Variants in TNNT3 observed in about 807,000 individuals in gnomAD.
TNNT3 encodes troponin T, fast skeletal muscle.
TNNT3 carries 36 observed loss-of-function variants against 54.2 expected under a neutral mutation model. That is an observed-to-expected ratio of 0.66 (90% CI 0.51 to 0.88). The LOEUF (loss-of-function observed/expected upper bound fraction) is 0.88, where lower values mean the gene tolerates loss of function less well. Among genes scored for constraint, TNNT3 ranks in the 40% least tolerant of loss-of-function variants. The probability of loss-of-function intolerance (pLI) is 0.00; values close to 1 mark genes in which losing one functional copy is unlikely to be tolerated. For synonymous variants in TNNT3, 120 were observed against 109.7 expected, an observed-to-expected ratio of 1.09 and a Z score of -0.59; for missense variants, 291 against 331.6, an observed-to-expected ratio of 0.88 and a Z score of 0.95.
chr11:1,925,248 C>G, intron 5 of TNNT3, 132 bp downstream of exon 5: 1 of 1,607,554 alleles, frequency 6.2e-7, no homozygotes, highest in Non-Finnish European at 8.5e-7. Flanking sequence ...TCCCCCGGCT[C>G]TCCTCAGCTG....
intron 14 of TNNT3, 102 bp from the exon 15 acceptor site, chr11:1,936,861 G>C: frequency 7.9e-7 from 1 of 1,264,946 alleles, no homozygotes; most frequent in South Asian, 1.3e-5. Context: ...GCAGCCCTGG[G>C]TCGCGCAGCC....
At chr11:1,922,382 A>G (rs1850307792) in intron 1 of TNNT3, among the ~76,000 whole-genome samples, 1 of 152,090 alleles carries the variant, frequency 6.6e-6, no homozygotes, top group Non-Finnish European at 1.5e-5. Flanking sequence ...TCGGTCATCC[A>G]GGGGCTCCCA....
intron 14 of TNNT3, chr11:1,936,336 G>T: frequency 6.8e-7 from 1 of 1,468,408 alleles, no homozygotes; most frequent in Non-Finnish European, 9.5e-7. Flanking sequence ...GCAAAAACCT[G>T]GATCGCTCAG....
At chr11:1,937,415 G>A (rs7127657) in intron 15 of TNNT3, among the ~76,000 whole-genome samples, 2,437 of 152,248 alleles carry the variant, frequency 0.016, 61 homozygotes, top group African/African-American at 0.053. Flanking sequence ...AGGGAATTAA[G>A]CAGTCAGGGC....
In TNNT3 at chr11:1,929,901, C is replaced by T. The variant is rs1353273388; in HGVS notation, c.125+73C>T. On this transcript the variant is annotated intron_variant, in intron 8 of 15. Transcript: ENST00000278317. ...GGGGGTGGTCAAGTGAGTGTGGGGT[C>T]CTGGCAGGCCCAGTGCCGAGTGTGT... 6 of 1,527,476 alleles carry T rather than the reference C, an allele frequency of 3.9e-6. No individual in the cohort carries two copies. In the East Asian group the frequency reaches 1.2e-4, roughly 31 times the overall value. 94.6% of individuals were successfully genotyped at this position (1,527,476 alleles called of 1,614,324 possible). A position where few individuals can be genotyped will look rare whatever the true frequency, so the allele number is the denominator to read the frequency against.
At chr11:1,922,573 C>T (rs1374428604) in intron 1 of TNNT3, among the ~76,000 whole-genome samples, 1 of 152,128 alleles carries the variant, frequency 6.6e-6, no homozygotes, top group Non-Finnish European at 1.5e-5. Context: ...ACGCCACGAC[C>T]TTCCAACATC....
Position 1,934,908 on chromosome 11 carries a change from C to G in TNNT3, c.670C>G (p.Gln224Glu), listed in dbSNP as rs1025599726. ...KFEFGEKLKR[Q>E]KYDITTLRSR... ...CGAGTTTGGGGAGAAGCTGAAACGC[C>G]AGAAATATGACGTGAGTCCCGGCAC... Residue 224 changes from glutamine (Q) to glutamate (E), a missense_variant, in exon 14 of 16, where the codon CAG (glutamine) becomes GAG (glutamate). Transcript: ENST00000278317. 6.2e-7 allele frequency: 1 copy of G among 1,613,540 alleles called. No individual in the cohort carries two copies. Among genetic ancestry groups the G allele is most frequent in the African/African-American group, 1.3e-5 (1 of 75,070 alleles).
chr11:1,935,015 C>G lies in TNNT3; in HGVS notation c.681+96C>G, dbSNP rs1028663527. On this transcript the variant is annotated intron_variant, in intron 14 of 15. Transcript: ENST00000278317. ...CGTCCCTACCAAACTCTGGACCTGC[C>G]CACCCCAGGGACCTGGACCCTGAGA... is the stretch of plus-strand genomic sequence containing the variant. 4 of 1,208,896 alleles carry G rather than the reference C, an allele frequency of 3.3e-6. No individual in the cohort carries two copies. The African/African-American group carries it at 6.0e-5, about 18-fold the overall frequency. The allele number at this position is 1,208,896 out of a possible 1,614,324, so 74.9% of individuals were successfully genotyped here.
chr11:1,935,882 C>A lies in TNNT3; in HGVS notation c.681+963C>A, dbSNP rs530341814. 1.1e-4 allele frequency among the ~76,000 whole-genome samples: 17 copies of A among 152,246 alleles called. 1 individual carries two copies. The highest frequency in any genetic ancestry group is 5.8e-4 in the East Asian group (3 of 5,174). On this transcript the variant is annotated intron_variant, in intron 14 of 15. Coordinates refer to ENST00000278317, the MANE Select transcript of TNNT3 (RefSeq NM_006757.4). ...GCCACCTGTTCCACCTGAGCTTCCA[C>A]GAGCTCCCCTCCGACAGAGGCAGGG...
At position 1,933,723 on chromosome 11, in the gene TNNT3, C is replaced by T; in HGVS notation, c.174C>T (p.Asp58=). The change falls in exon 10 of 16, where the codon GAC becomes GAT. Residue 58 remains aspartate, a splice_region_variant and synonymous_variant. Coordinates refer to ENST00000278317, the MANE Select transcript of TNNT3 (RefSeq NM_006757.4). ...IPEGEKVDFD[D]IQKKRQNKDL... Reference sequence around the variant, plus strand: ...ACACCCACTGCCCCTGCCCACAGGACATCCAGAAGAAGCGTCAGAACAAAG... The same window carrying T: ...ACACCCACTGCCCCTGCCCACAGGATATCCAGAAGAAGCGTCAGAACAAAG... The T allele has an allele frequency of 6.2e-7, 1 of 1,612,600 alleles. No homozygotes were observed. Among genetic ancestry groups the T allele is most frequent in the Non-Finnish European group, 8.5e-7 (1 of 1,179,598 alleles).
At chr11:1,928,696 G>A (rs745468562) in intron 6 of TNNT3, among the ~76,000 whole-genome samples, 13 of 152,154 alleles carry the variant, frequency 8.5e-5, no homozygotes, top group Non-Finnish European at 1.3e-4. Flanking sequence ...GTCAGGCTCC[G>A]GGAAGCACGA....
At chr11:1,929,063 C>A (rs547927513) in intron 6 of TNNT3, 57 bp from the exon 7 acceptor site, 55 of 1,607,718 alleles carry the variant, frequency 3.4e-5, no homozygotes, top group Non-Finnish European at 2.6e-6. Context: ...ACTGCTCCCC[C>A]GCAGCCGCAC....
At chr11:1,931,029 C>T (rs1853213812) in intron 8 of TNNT3, among the ~76,000 whole-genome samples, 1 of 152,168 alleles carries the variant, frequency 6.6e-6, no homozygotes, top group Non-Finnish European at 1.5e-5. Context: ...TTAAAGTCGG[C>T]CTTGTTTTTC....
In TNNT3 at chr11:1,938,670, C is replaced by T. The variant is rs1855848669; in HGVS notation, c.*178C>T. On this transcript the variant is annotated 3_prime_UTR_variant, in exon 16 of 16. Coordinates refer to ENST00000278317, the MANE Select transcript of TNNT3 (RefSeq NM_006757.4). ...GTCTGTGTCCTTGCTGCCTTCATCCCCTGGGGCCTGTGAATAAAGCTGCAG... is the reference window on the plus strand; with the variant it reads ...GTCTGTGTCCTTGCTGCCTTCATCCTCTGGGGCCTGTGAATAAAGCTGCAG... 1.4e-6 allele frequency: 1 copy of T among 720,684 alleles called. No homozygotes were observed. Among genetic ancestry groups the T allele is most frequent in the Non-Finnish European group, 2.5e-6 (1 of 398,108 alleles). The allele number at this position is 720,684 out of a possible 1,614,324, so 44.6% of individuals were successfully genotyped here. A position where few individuals can be genotyped will look rare whatever the true frequency, so the allele number is the denominator to read the frequency against.
intron 5 of TNNT3, 87 bp downstream of exon 5, chr11:1,925,203 G>A (rs1400633932): frequency 6.2e-7 from 1 of 1,605,290 alleles, no homozygotes; most frequent in African/African-American, 1.3e-5. Context: ...CGCCTCTAAG[G>A]ATTGCTGTGT....
At chr11:1,932,862 A>ATCCATCCG (rs1403450625) in intron 9 of TNNT3, among the ~76,000 whole-genome samples, 5 of 147,228 alleles carry the variant, frequency 3.4e-5, no homozygotes, top group Non-Finnish European at 6.0e-5. Flanking sequence ...CCATCCATCC[A>ATCCATCCG]TCCATCCATC....
intron 6 of TNNT3, among the ~76,000 whole-genome samples, chr11:1,927,489 G>A (rs913482908): frequency 2.0e-5 from 3 of 152,120 alleles, no homozygotes; most frequent in Admixed American, 6.5e-5. Flanking sequence ...GAGCTCTTGC[G>A]TGACTCGAGC....
At chr11:1,924,613 G>A (rs896890809) in intron 4 of TNNT3, among the ~76,000 whole-genome samples, 1 of 152,222 alleles carries the variant, frequency 6.6e-6, no homozygotes, top group South Asian at 2.1e-4. Context: ...GGGCAGCCAC[G>A]TGGCAGGCCG....
At chr11:1,937,078 A>C in intron 15 of TNNT3, 75 bp downstream of exon 15, 2 of 1,480,440 alleles carry the variant, frequency 1.4e-6, no homozygotes, top group Non-Finnish European at 1.8e-6. Context: ...CCAGTCCCTA[A>C]CAAGGGCCGG....
Sources: gnomAD v4.1 joint callset for allele counts (sites outside exome capture counted in the v4.1 genomes callset) on GRCh38, gnomAD v4.1.1 for gene constraint, MANE v1.5 for transcripts, NCBI Gene and HGNC (gene_info 2026-07-23, HGNC 2026-07-21) for gene names.